Variants in MYZAP observed in about 807,000 individuals in gnomAD.
MYZAP encodes the protein GRINL1A complex locus upstream.
A neutral mutation model predicts 69.4 loss-of-function variants in MYZAP; 66 were observed. The ratio of observed to expected loss-of-function variants is 0.95; its 90% CI spans 0.78 to 1.17. The LOEUF is 1.17. MYZAP is among the 50% of genes most tolerant of loss of function. The pLI is 0.00. For missense variants in MYZAP, 611 were observed against 556.2 expected (o/e 1.10, Z -0.99); for synonymous variants, 256 against 205.9 (o/e 1.24, Z -2.09).
At chr15:57,616,543 G>GGA (rs1350859380) in intron 2 of MYZAP, among the ~76,000 whole-genome samples, 2 of 152,198 alleles carry the variant, frequency 1.3e-5, no homozygotes, top group African/African-American at 4.8e-5. Context: ...GGCTGAGGTA[G>GGA]GAGAATTGGT....
chr15:57,636,522 G>A (rs773539796), intron 8 of MYZAP, among the ~76,000 whole-genome samples: 4 of 152,170 alleles, frequency 2.6e-5, no homozygotes, highest in Non-Finnish European at 5.9e-5. Flanking sequence ...GTAAGAGTTT[G>A]CTGGGTGGAA....
At chr15:57,605,863 CT>C (rs2034709976) in intron 2 of MYZAP, among the ~76,000 whole-genome samples, 1 of 152,082 alleles carries the variant, frequency 6.6e-6, no homozygotes. Flanking sequence ...TGGGCTTTCA[CT>C]GGCCAAAATG....
chr15:57,592,547 G>C (rs1329869252), intron 1 of MYZAP, among the ~76,000 whole-genome samples: 2 of 152,136 alleles, frequency 1.3e-5, no homozygotes, highest in Non-Finnish European at 2.9e-5. Context: ...CTAGTGATAG[G>C]GTAATTCTGG....
chr15:57,662,929 C>T (rs573220317), intron 11 of MYZAP, among the ~76,000 whole-genome samples: 39 of 152,326 alleles, frequency 2.6e-4, no homozygotes, highest in Admixed American at 9.8e-4. Context: ...CCAAGAGTCT[C>T]TGTCTTTTGA....
At chr15:57,637,585 C>T in intron 8 of MYZAP, 110 bp from the exon 9 acceptor site, 1 of 1,218,270 alleles carries the variant, frequency 8.2e-7, no homozygotes, top group African/African-American at 1.5e-5. Context: ...TGTGTAAAAC[C>T]CAGGGGGTGT....
intron 4 of MYZAP, 110 bp from the exon 5 acceptor site, chr15:57,625,669 T>A (rs1050603147): frequency 4.4e-6 from 4 of 911,338 alleles, no homozygotes; most frequent in Non-Finnish European, 7.1e-6. Context: ...TTACTTTAGA[T>A]ATTGTTGAAG....
intron 12 of MYZAP, among the ~76,000 whole-genome samples, chr15:57,676,540 G>A (rs1303454783): frequency 6.7e-6 from 1 of 150,026 alleles, no homozygotes; most frequent in Non-Finnish European, 1.5e-5. Context: ...CAAAAAGAAC[G>A]ATCAATTGTG....
At chr15:57,614,097 G>C (rs1227881316) in intron 2 of MYZAP, among the ~76,000 whole-genome samples, 2 of 152,146 alleles carry the variant, frequency 1.3e-5, no homozygotes, top group African/African-American at 4.8e-5. Context: ...TATACATGTT[G>C]TGACCGGGGT....
rs778580518 is a variant in MYZAP at position 57,629,890 on chromosome 15, C to T, written c.678+36C>T. On this transcript the variant is annotated intron_variant, in intron 6 of 12. Coordinates refer to ENST00000267853, the MANE Select transcript of MYZAP (RefSeq NM_001018100.5). ...AAAGCCTAGATTTATTTTCTATGAA[C>T]TTTTCTCCTCTTTACTTCTCCCTTT... 11 of 1,595,256 alleles carry T rather than the reference C, an allele frequency of 6.9e-6. No homozygotes were observed. The Admixed American group carries it at 2.0e-4, about 29-fold the overall frequency.
chr15:57,651,196 A>G (rs796473620), intron 10 of MYZAP, among the ~76,000 whole-genome samples: 1 of 152,116 alleles, frequency 6.6e-6, no homozygotes, highest in African/African-American at 2.4e-5. Context: ...CCAAAATGCA[A>G]TTTTTTAGCA....
chr15:57,681,909 C>T (rs1484263350), intron 12 of MYZAP, among the ~76,000 whole-genome samples: 1 of 152,100 alleles, frequency 6.6e-6, no homozygotes, highest in Non-Finnish European at 1.5e-5. Flanking sequence ...AAATACACCC[C>T]CTGCCATGCT....
In MYZAP at chr15:57,604,197, G is replaced by A. The variant is rs1443742010; in HGVS notation, c.76-72G>A. 4 of 1,524,544 alleles carry A rather than the reference G, an allele frequency of 2.6e-6. No individual in the cohort carries two copies. In the African/African-American group the frequency reaches 4.1e-5, roughly 16 times the overall value. The allele number at this position is 1,524,544 out of a possible 1,614,324, so 94.4% of individuals were successfully genotyped here. A position where few individuals can be genotyped will look rare whatever the true frequency, so the allele number is the denominator to read the frequency against. ...AAGTAGGGGAAATGGGCTGTGAGAA[G>A]CCCAAGGTCATCTGGCTCTTTCTGC... On this transcript the variant is annotated intron_variant, in intron 1 of 12. Transcript: ENST00000267853.
At chr15:57,619,408 A>C (rs1394596811) in intron 3 of MYZAP, among the ~76,000 whole-genome samples, 1 of 152,220 alleles carries the variant, frequency 6.6e-6, no homozygotes, top group African/African-American at 2.4e-5. Flanking sequence ...GCTGGAGTGC[A>C]GTGGCACAAT....
intron 3 of MYZAP, among the ~76,000 whole-genome samples, chr15:57,620,747 A>G (rs969687685): frequency 1.3e-5 from 2 of 152,160 alleles, no homozygotes; most frequent in Non-Finnish European, 2.9e-5. Context: ...GCTCTTTGGC[A>G]GTCAGGGCCG....
At chr15:57,596,350 G>A (rs1442342960) in intron 1 of MYZAP, among the ~76,000 whole-genome samples, 2 of 152,166 alleles carry the variant, frequency 1.3e-5, no homozygotes, top group African/African-American at 4.8e-5. Flanking sequence ...AAATGTTCTT[G>A]TCTAATTGAG....
chr15:57,592,193 T>C (rs2033718162), intron 1 of MYZAP, 84 bp downstream of exon 1: 2 of 1,193,126 alleles, frequency 1.7e-6, no homozygotes, highest in Non-Finnish European at 1.1e-6. Flanking sequence ...ATGGGAAAGC[T>C]CGGGAGCCAG....
chr15:57,593,188 G>GCATGCGCGCGCGCACACACACACACA lies in MYZAP; in HGVS notation c.75+1081_75+1082insTGCGCGCGCGCACACACACACACACA. 3.4e-3 allele frequency among the ~76,000 whole-genome samples: 388 copies of GCATGCGCGCGCGCACACACACACACA among 114,200 alleles called. 3 individuals are homozygous for GCATGCGCGCGCGCACACACACACACA. Among genetic ancestry groups the GCATGCGCGCGCGCACACACACACACA allele is most frequent in the South Asian group, 8.6e-3 (25 of 2,898 alleles). 74.9% of individuals were successfully genotyped at this position (114,200 alleles called of 152,430 possible). A position where few individuals can be genotyped will look rare whatever the true frequency, so the allele number is the denominator to read the frequency against. ...AGACACTTAGGTTGTGTACACAGGC[G>GCATGCGCGCGCGCACACACACACACA]CACACACACACACACACACACACAC... On this transcript the variant is annotated intron_variant, in intron 1 of 12. Coordinates refer to ENST00000267853, the MANE Select transcript of MYZAP (RefSeq NM_001018100.5).
chr15:57,680,418 A>G (rs2039370234), intron 12 of MYZAP, among the ~76,000 whole-genome samples: 1 of 151,916 alleles, frequency 6.6e-6, no homozygotes, highest in Non-Finnish European at 1.5e-5. Flanking sequence ...CTAGTGACCA[A>G]GGATCTCTTC....
chr15:57,593,214 A>ACACACACACACCCC (rs1172761785), intron 1 of MYZAP, among the ~76,000 whole-genome samples: 1,660 of 141,410 alleles, frequency 0.012, 61 homozygotes, highest in African/African-American at 0.045. Context: ...ACACACACAC[A>ACACACACACACCCC]CCCCAGAATC....
Sources: gnomAD v4.1 joint callset for allele counts (sites outside exome capture counted in the v4.1 genomes callset) on GRCh38, gnomAD v4.1.1 for gene constraint, MANE v1.5 for transcripts, NCBI Gene and HGNC (gene_info 2026-07-23, HGNC 2026-07-21) for gene names.